RNF217: variants seen among roughly 807,000 people sequenced by gnomAD.
RNF217 encodes the protein ring finger protein 217.
In RNF217, 31 loss-of-function variants were observed where a neutral mutation model predicts 57.8. The observed-to-expected ratio is 0.54, with a 90% CI of 0.40 to 0.72. The LOEUF (loss-of-function observed/expected upper bound fraction) is 0.72, where lower values mean the gene tolerates loss of function less well. Among genes scored for constraint, RNF217 ranks in the 30% least tolerant of loss-of-function variants. The probability of loss-of-function intolerance (pLI) is 0.00; values close to 1 mark genes in which losing one functional copy is unlikely to be tolerated. For synonymous variants in RNF217, 313 were observed against 294.0 expected (o/e 1.06, Z -0.66); for missense variants, 696 against 708.3 (o/e 0.98, Z 0.20).
At chr6:124,983,265 A>G in intron 1 of RNF217, 1 of 643,446 alleles carries the variant, frequency 1.6e-6, no homozygotes. Flanking sequence ...TGGTTTTAAA[A>G]GGCTTTTGTG....
chr6:125,002,212 CTG>C (rs1178194979), intron 1 of RNF217, among the ~76,000 whole-genome samples: 2 of 152,140 alleles, frequency 1.3e-5, no homozygotes, highest in Admixed American at 1.3e-4. Context: ...TCTGTATGGT[CTG>C]TTGCTACTGA....
chr6:125,063,376 C>CTTTT (rs1787815545), intron 3 of RNF217, among the ~76,000 whole-genome samples: 2 of 152,098 alleles, frequency 1.3e-5, no homozygotes, highest in Non-Finnish European at 2.9e-5. Context: ...TTCTAGATGA[C>CTTTT]AGGAAGTTAC....
intron 1 of RNF217, among the ~76,000 whole-genome samples, chr6:125,025,250 G>A (rs1786028603): frequency 6.6e-6 from 1 of 152,152 alleles, no homozygotes; most frequent in African/African-American, 2.4e-5. Context: ...GAGACAGATA[G>A]CAGTGGGTTT....
intron 2 of RNF217, 110 bp from the exon 3 acceptor site, chr6:125,057,832 G>T (rs1787578693): frequency 1.2e-6 from 1 of 821,288 alleles, no homozygotes; most frequent in Non-Finnish European, 1.9e-6. Context: ...AGAGGGGGAG[G>T]TATTTTAAAT....
intron 1 of RNF217, among the ~76,000 whole-genome samples, chr6:124,986,216 C>T (rs931062261): frequency 4.6e-5 from 7 of 152,172 alleles, no homozygotes; most frequent in Admixed American, 1.3e-4. Context: ...TGATTTGTAA[C>T]TTTTCCTATT....
chr6:124,962,729 C>CGGACACCAGCGCCCCAGAGCCCGCGA lies in RNF217; in HGVS notation c.189_214dup (p.Ser72ThrfsTer133), dbSNP rs764436189. The CGGACACCAGCGCCCCAGAGCCCGCGA allele has an allele frequency of 5.1e-6, 8 of 1,556,380 alleles. No homozygotes were observed. The highest frequency in any genetic ancestry group is 1.2e-5 in the South Asian group (1 of 86,822). ...GGCTGCGGAAGCGACTGGGGCTGCG[C>CGGACACCAGCGCCCCAGAGCCCGCGA]GGACACCAGCGCCCCAGAGCCCGCG... On this transcript the variant is annotated frameshift_variant, in exon 1 of 6. Coordinates refer to ENST00000521654, the MANE Select transcript of RNF217 (RefSeq NM_001286398.3). LOFTEE classifies it high-confidence loss of function. This position sits in a 1 kb window ranked among gnomAD's most constrained non-coding sequence, Gnocchi z 4.6.
At chr6:125,013,550 G>GT (rs200438375) in intron 1 of RNF217, among the ~76,000 whole-genome samples, 1 of 145,670 alleles carries the variant, frequency 6.9e-6, no homozygotes, top group Non-Finnish European at 1.5e-5. Flanking sequence ...ATATGTCTGG[G>GT]AAAAAAAAAA....
chr6:125,010,481 G>T (rs1258847595), intron 1 of RNF217, among the ~76,000 whole-genome samples: 1 of 152,166 alleles, frequency 6.6e-6, no homozygotes, highest in African/African-American at 2.4e-5. Flanking sequence ...AAGGAGCATT[G>T]TGTTTGGCAG....
intron 1 of RNF217, among the ~76,000 whole-genome samples, chr6:125,029,748 C>T (rs760548152): frequency 2.6e-5 from 4 of 151,972 alleles, no homozygotes; most frequent in Non-Finnish European, 5.9e-5. Flanking sequence ...ATGATCTTGT[C>T]ATTATATCTG....
intron 1 of RNF217, among the ~76,000 whole-genome samples, chr6:124,995,415 C>T (rs1452157477): frequency 6.6e-6 from 1 of 152,186 alleles, no homozygotes; most frequent in Non-Finnish European, 1.5e-5. Context: ...CAAATGTATG[C>T]ATCCCTAAAC....
chr6:125,023,383 A>G (rs1785924416), intron 1 of RNF217, among the ~76,000 whole-genome samples: 1 of 152,214 alleles, frequency 6.6e-6, no homozygotes, highest in African/African-American at 2.4e-5. Flanking sequence ...CAAGGGCATT[A>G]TTGAAGTATT....
rs186980609 is a variant in RNF217 at position 125,072,028 on chromosome 6, C to A, written c.1282-4629C>A. Among the ~76,000 whole-genome samples the A allele has an allele frequency of 3.0e-3, 463 of 152,190 alleles. 2 individuals are homozygous for A. The highest frequency in any genetic ancestry group is 8.1e-3 in the South Asian group (39 of 4,820). On this transcript the variant is annotated intron_variant, in intron 3 of 5. Coordinates refer to ENST00000521654, the MANE Select transcript of RNF217 (RefSeq NM_001286398.3). ...GAACTTTCTGTAAATATAATTTAAACCTATGTTTTAAGGCTTTGTGTTTTA... is the reference window on the plus strand; with the variant it reads ...GAACTTTCTGTAAATATAATTTAAAACTATGTTTTAAGGCTTTGTGTTTTA...
intron 1 of RNF217, among the ~76,000 whole-genome samples, chr6:125,008,540 A>C (rs1000505355): frequency 6.6e-6 from 1 of 152,118 alleles, no homozygotes; most frequent in African/African-American, 2.4e-5. Context: ...TCTTGGAGTG[A>C]TTCTTTCTCC....
intron 3 of RNF217, among the ~76,000 whole-genome samples, chr6:125,065,741 C>A (rs1787909917): frequency 6.6e-6 from 1 of 152,226 alleles, no homozygotes. Context: ...ATTTTCATTT[C>A]TTTTCAGGTT....
intron 1 of RNF217, among the ~76,000 whole-genome samples, chr6:124,982,734 A>G (rs1320048582): frequency 6.6e-6 from 1 of 152,338 alleles, no homozygotes; most frequent in East Asian, 1.9e-4. Context: ...TTTCTAGATG[A>G]TATGCAAACA....
chr6:124,965,641 G>A (rs1482460150), intron 1 of RNF217, among the ~76,000 whole-genome samples: 1 of 152,002 alleles, frequency 6.6e-6, no homozygotes, highest in Non-Finnish European at 1.5e-5. Context: ...TAGATACCGG[G>A]CATGCTTTCA....
intron 1 of RNF217, among the ~76,000 whole-genome samples, chr6:125,030,919 G>A (rs1388558652): frequency 1.3e-5 from 2 of 152,180 alleles, no homozygotes; most frequent in East Asian, 1.9e-4. Flanking sequence ...TTCTACATGA[G>A]GGCCCTGCCC....
chr6:125,004,206 T>G (rs1785088711), intron 1 of RNF217, among the ~76,000 whole-genome samples: 1 of 152,176 alleles, frequency 6.6e-6, no homozygotes. Context: ...CCCCTTTTGT[T>G]GTAGGGCACA....
chr6:125,015,622 A>G (rs1175441039), intron 1 of RNF217, among the ~76,000 whole-genome samples: 2 of 151,994 alleles, frequency 1.3e-5, no homozygotes, highest in African/African-American at 4.8e-5. Flanking sequence ...GTTTTAATAT[A>G]TATACATTAT....
Sources: gnomAD v4.1 joint callset for allele counts (sites outside exome capture counted in the v4.1 genomes callset) on GRCh38, gnomAD v4.1.1 for gene constraint, Gnocchi (gnomAD v3.1) non-coding constraint, MANE v1.5 for transcripts, NCBI Gene and HGNC (gene_info 2026-07-23, HGNC 2026-07-21) for gene names.